Variants in HNF4G observed in about 807,000 individuals in gnomAD.
HNF4G encodes the protein hepatocyte nuclear factor 4-gamma.
Under a neutral mutation model 50.9 loss-of-function variants are expected in HNF4G, and 21 were observed. That is an observed-to-expected ratio of 0.41 (90% CI 0.29 to 0.59). The LOEUF (loss-of-function observed/expected upper bound fraction) is 0.59, where lower values mean the gene tolerates loss of function less well. Among genes scored for constraint, HNF4G ranks in the 20% least tolerant of loss-of-function variants. The probability of loss-of-function intolerance (pLI) is 0.26; values close to 1 mark genes in which losing one functional copy is unlikely to be tolerated. For synonymous variants in HNF4G, 198 were observed against 185.6 expected, an observed-to-expected ratio of 1.07 and a Z score of -0.54; for missense variants, 527 against 559.4, an observed-to-expected ratio of 0.94 and a Z score of 0.58.
chr8:75,508,299 G>T (rs1263359839), intron 2 of HNF4G, among the ~76,000 whole-genome samples: 1 of 150,250 alleles, frequency 6.7e-6, no homozygotes, highest in South Asian at 2.1e-4. Flanking sequence ...TGAACAATTT[G>T]CTAATCTTAT....
intron 2 of HNF4G, among the ~76,000 whole-genome samples, chr8:75,532,189 G>A (rs1008225749): frequency 2.0e-5 from 3 of 151,902 alleles, no homozygotes; most frequent in Admixed American, 2.0e-4. Flanking sequence ...TGAGAGAAGA[G>A]TTATTTTTAT....
At chr8:75,528,480 C>A (rs1806240259) in intron 2 of HNF4G, among the ~76,000 whole-genome samples, 1 of 152,122 alleles carries the variant, frequency 6.6e-6, no homozygotes, top group African/African-American at 2.4e-5. Context: ...GAATAAAAGG[C>A]ATTTTTAGTA....
chr8:75,448,454 A>G (rs528635849), intron 1 of HNF4G, among the ~76,000 whole-genome samples: 3 of 130,488 alleles, frequency 2.3e-5, no homozygotes, highest in Non-Finnish European at 4.9e-5. Context: ...AGTGTCAGAC[A>G]TGATACAAGA....
intron 2 of HNF4G, among the ~76,000 whole-genome samples, chr8:75,545,447 T>C (rs1356267313): frequency 6.6e-6 from 1 of 152,066 alleles, no homozygotes; most frequent in Non-Finnish European, 1.5e-5. Flanking sequence ...TCCTGCACCT[T>C]CCTATTAAGA....
At chr8:75,537,541 T>C (rs536124777), upstream of HNF4G, among the ~76,000 whole-genome samples, 1 of 152,132 alleles carries the variant, frequency 6.6e-6, no homozygotes, top group South Asian at 2.1e-4. Flanking sequence ...CTACCGTGCC[T>C]GGCTAAAAGA....
chr8:75,554,325 A>T (rs1320567222), intron 5 of HNF4G, among the ~76,000 whole-genome samples: 1 of 152,206 alleles, frequency 6.6e-6, no homozygotes, highest in Non-Finnish European at 1.5e-5. Context: ...GCTGACTTAT[A>T]TATTCAGTGA....
intron 2 of HNF4G, among the ~76,000 whole-genome samples, chr8:75,529,524 C>G (rs1233010900): frequency 6.6e-6 from 1 of 151,996 alleles, no homozygotes; most frequent in African/African-American, 2.4e-5. Flanking sequence ...AAATATAAGC[C>G]TAGGAGACAG....
At chr8:75,438,717 T>TA (rs1811200472) in intron 1 of HNF4G, among the ~76,000 whole-genome samples, 2 of 152,136 alleles carry the variant, frequency 1.3e-5, no homozygotes, top group South Asian at 2.1e-4. Flanking sequence ...CTTTCAAAAG[T>TA]AAAAACAATA....
upstream of HNF4G, among the ~76,000 whole-genome samples, chr8:75,535,086 T>C (rs1806425206): frequency 6.6e-6 from 1 of 151,768 alleles, no homozygotes; most frequent in African/African-American, 2.4e-5. Context: ...TTTTTGTTTA[T>C]CTAAAAATTA....
At position 75,556,011 on chromosome 8, in the gene HNF4G, G is replaced by C. The variant is rs770191630; in HGVS notation, c.675G>C (p.Glu225Asp). The change falls in exon 6 of 10, where the codon GAG becomes GAC. Residue 225 changes from glutamate (E) to aspartate (D), a missense_variant. Physicochemically the swap from Glu to Asp is conservative, Grantham distance 45 (BLOSUM62 2). Around this residue, in one of 5 missense-constraint regions of HNF4G, gnomAD observed 308 missense variants for 301.5 expected, o/e 1.02. Coordinates refer to ENST00000396423, the MANE Select transcript of HNF4G (RefSeq NM_004133.5). ...QVALLRAHAGEHLLLGATKRS... is the reference protein window; with the variant it reads ...QVALLRAHAGDHLLLGATKRS... ...CACTGTTGAGAGCTCACGCAGGGGAGCACTTACTGCTTGGAGCTACAAAGA... is the reference window on the plus strand; with the variant it reads ...CACTGTTGAGAGCTCACGCAGGGGACCACTTACTGCTTGGAGCTACAAAGA... 3.9e-5 allele frequency: 61 copies of C among 1,583,146 alleles called. No homozygotes were observed. The highest frequency in any genetic ancestry group is 5.2e-5 in the Non-Finnish European group (60 of 1,163,628).
At chr8:75,541,790 C>T (rs2977929) in intron 1 of HNF4G, among the ~76,000 whole-genome samples, 30,947 of 151,756 alleles carry the variant, frequency 0.2, 3,316 homozygotes, top group African/African-American at 0.22. Flanking sequence ...TAAATATCTA[C>T]ATTTAAAAAA....
At chr8:75,507,205 C>A (rs1283970855) in intron 2 of HNF4G, among the ~76,000 whole-genome samples, 3 of 151,632 alleles carry the variant, frequency 2.0e-5, no homozygotes, top group Non-Finnish European at 4.4e-5. Flanking sequence ...TTATTACAAT[C>A]TCTATCTCTA....
At chr8:75,499,030 G>A (rs533895978) in intron 2 of HNF4G, among the ~76,000 whole-genome samples, 4 of 152,032 alleles carry the variant, frequency 2.6e-5, no homozygotes, top group Admixed American at 2.6e-4. Flanking sequence ...TCAAACCAGG[G>A]CAACTAAGCA....
chr8:75,485,319 A>C (rs953388268), intron 1 of HNF4G, among the ~76,000 whole-genome samples: 1 of 152,202 alleles, frequency 6.6e-6, no homozygotes, highest in African/African-American at 2.4e-5. Flanking sequence ...ATCAAATTCC[A>C]AAGAGTTTCC....
At chr8:75,425,593 A>G (rs1033273006) in intron 1 of HNF4G, among the ~76,000 whole-genome samples, 13 of 147,950 alleles carry the variant, frequency 8.8e-5, no homozygotes, top group African/African-American at 2.7e-4. Context: ...ATATTTATAT[A>G]TATTATATAT....
At chr8:75,503,425 T>G (rs1184388108) in intron 2 of HNF4G, among the ~76,000 whole-genome samples, 2 of 152,198 alleles carry the variant, frequency 1.3e-5, no homozygotes, top group African/African-American at 4.8e-5. Flanking sequence ...AGAGTGATAG[T>G]TCAAGAGAGT....
intron 2 of HNF4G, among the ~76,000 whole-genome samples, chr8:75,494,299 AGCAC>A (rs370812530): frequency 0.08 from 10,997 of 137,036 alleles, 561 homozygotes; most frequent in Middle Eastern, 0.092. Context: ...TCTCCCATAC[AGCAC>A]ACACACACAC....
chr8:75,499,746 G>A (rs1304786255), intron 2 of HNF4G, among the ~76,000 whole-genome samples: 1 of 151,900 alleles, frequency 6.6e-6, no homozygotes. Context: ...ATATATTCAT[G>A]ATAAATTGAT....
chr8:75,450,768 G>C (rs958298720), intron 1 of HNF4G, among the ~76,000 whole-genome samples: 1 of 152,172 alleles, frequency 6.6e-6, no homozygotes, highest in Non-Finnish European at 1.5e-5. Context: ...TGAGAAATGG[G>C]AACTTTTAGA....
Sources: gnomAD v4.1 joint callset for allele counts (sites outside exome capture counted in the v4.1 genomes callset) on GRCh38, gnomAD v4.1.1 for gene constraint, gnomAD v4.1.1 regional missense constraint, MANE v1.5 for transcripts, NCBI Gene and HGNC (gene_info 2026-07-23, HGNC 2026-07-21) for gene names.